Variants in AGR3 observed in about 807,000 individuals in gnomAD.
AGR3 encodes anterior gradient protein 3.
In AGR3, 37 loss-of-function variants were observed where a neutral mutation model predicts 24.5. The ratio of observed to expected loss-of-function variants is 1.51; its 90% CI spans 1.16 to 1.99. The LOEUF (loss-of-function observed/expected upper bound fraction) is 1.99, where lower values mean the gene tolerates loss of function less well. AGR3 is among the 30% of genes most tolerant of loss of function. AGR3 has a pLI of 0.00. For missense variants in AGR3, 228 were observed against 191.1 expected (o/e 1.19, Z -1.14); for synonymous variants, 75 against 61.6 (o/e 1.22, Z -1.02).
chr7:16,865,966 T>G (rs1781751366), intron 3 of AGR3: 1 of 680,688 alleles, frequency 1.5e-6, no homozygotes, highest in African/African-American at 1.8e-5. Context: ...TTTACCAGGT[T>G]TCAACTTCTT....
chr7:16,876,692 T>G (rs543619035), intron 2 of AGR3, among the ~76,000 whole-genome samples: 1 of 152,344 alleles, frequency 6.6e-6, no homozygotes, highest in African/African-American at 2.4e-5. Flanking sequence ...AATGGTGTTC[T>G]CAGCTAATAT....
chr7:16,879,085 C>G (rs1341601483), intron 1 of AGR3, among the ~76,000 whole-genome samples: 1 of 152,148 alleles, frequency 6.6e-6, no homozygotes, highest in Non-Finnish European at 1.5e-5. Flanking sequence ...TAACTCTATA[C>G]TAAGATAAGA....
chr7:16,878,134 G>A (rs1782026487), intron 2 of AGR3, among the ~76,000 whole-genome samples: 1 of 150,944 alleles, frequency 6.6e-6, no homozygotes. Flanking sequence ...TTTTTTGGAG[G>A]ACTGGGAAAT....
Position 16,866,385 on chromosome 7 carries a change from A to T in AGR3, c.174-3723T>A, listed in dbSNP as rs548358028. 335 of 302,326 alleles carry T rather than the reference A, an allele frequency of 1.1e-3. 3 individuals carry two copies. Among genetic ancestry groups the T allele is most frequent in the Non-Finnish European group, 1.8e-3 (248 of 141,400 alleles). 18.7% of individuals were successfully genotyped at this position (302,326 alleles called of 1,614,324 possible). A position where few individuals can be genotyped will look rare whatever the true frequency, so the allele number is the denominator to read the frequency against. ...CTATAATTCACCTCCTTTAAAAAGC[A>T]GGTAACTGTCCCTGAAGATGCCAGG... On this transcript the variant is annotated intron_variant, in intron 3 of 7. Coordinates refer to ENST00000310398, the MANE Select transcript of AGR3 (RefSeq NM_176813.5).
downstream of AGR3, among the ~76,000 whole-genome samples, chr7:16,857,676 A>G (rs1781573151): frequency 6.6e-6 from 1 of 152,164 alleles, no homozygotes; most frequent in Non-Finnish European, 1.5e-5. Flanking sequence ...TTAAAATAGG[A>G]TATTTAATAT....
chr7:16,881,141 T>G (rs976460800), intron 1 of AGR3, among the ~76,000 whole-genome samples: 2 of 152,220 alleles, frequency 1.3e-5, no homozygotes, highest in Non-Finnish European at 2.9e-5. Flanking sequence ...AGGTGGAATC[T>G]GCATTTTAAA....
At chr7:16,864,852 T>C in intron 3 of AGR3, 1 of 863,746 alleles carries the variant, frequency 1.2e-6, no homozygotes, top group Admixed American at 1.7e-5. Context: ...GTAAAGAGCG[T>C]GTATTCCAGT....
downstream of AGR3, among the ~76,000 whole-genome samples, chr7:16,857,107 A>G (rs1180098038): frequency 6.6e-6 from 1 of 151,960 alleles, no homozygotes; most frequent in Non-Finnish European, 1.5e-5. Context: ...CTCCTGCCTC[A>G]GCTTCCCCAG....
intron 3 of AGR3, chr7:16,864,423 CAG>C: frequency 1.6e-6 from 2 of 1,281,886 alleles, no homozygotes; most frequent in Non-Finnish European, 1.1e-6. Context: ...CGGGTTCACC[CAG>C]AGATTCCTCT....
At chr7:16,857,842 A>C (rs927380849), downstream of AGR3, among the ~76,000 whole-genome samples, 1 of 152,162 alleles carries the variant, frequency 6.6e-6, no homozygotes, top group African/African-American at 2.4e-5. Context: ...CTGACTCATC[A>C]AATGTTGAAA....
At chr7:16,864,833 A>G (rs1340986599) in intron 3 of AGR3, 2 of 882,408 alleles carry the variant, frequency 2.3e-6, no homozygotes, top group African/African-American at 3.3e-5. Context: ...GATGTCCTAT[A>G]TTTCCTGAGT....
Position 16,862,630 on chromosome 7 carries a change from T to A in AGR3, c.206A>T (p.Glu69Val). The A allele has an allele frequency of 6.5e-7, 1 of 1,541,742 alleles. No homozygotes were observed. The highest frequency in any genetic ancestry group is 8.7e-7 in the Non-Finnish European group (1 of 1,151,172). The change falls in exon 4 of 8, where the codon GAG (glutamate) becomes GTG (valine). Residue 69 changes from glutamate (E) to valine (V), a missense_variant. Physicochemically the swap from Glu to Val is moderately radical, Grantham distance 121 (BLOSUM62 -2). Transcript: ENST00000310398. ...KKPLMVIHHLEDCQYSQALKK... is the reference protein window; with the variant it reads ...KKPLMVIHHLVDCQYSQALKK... ...ATTACCTTGAGAGTATTGACAATCC[T>A]CCAGGTGATGAATAACCATTAATGG...
chr7:16,868,176 A>G (rs1190478264), intron 3 of AGR3, among the ~76,000 whole-genome samples: 1 of 149,738 alleles, frequency 6.7e-6, no homozygotes, highest in Non-Finnish European at 1.5e-5. Context: ...TTTTTTTGAG[A>G]TGGAGTTTCG....
intron 7 of AGR3, 122 bp downstream of exon 7, chr7:16,860,378 A>C: frequency 1.4e-6 from 1 of 729,142 alleles, no homozygotes; most frequent in African/African-American, 1.8e-5. Context: ...GTTGGCATTT[A>C]AACACCACCA....
At chr7:16,877,324 ATGT>A in intron 2 of AGR3, among the ~76,000 whole-genome samples, 1 of 146,062 alleles carries the variant, frequency 6.8e-6, no homozygotes, top group Non-Finnish European at 1.5e-5. Context: ...TATAATTTGT[ATGT>A]TATAATTATA....
At chr7:16,864,201 A>C in intron 3 of AGR3, 1 of 967,058 alleles carries the variant, frequency 1.0e-6, no homozygotes, top group East Asian at 2.5e-5. Context: ...AACTCTGCTG[A>C]AGTACCACTG....
chr7:16,871,995 G>A (rs1781875213), intron 3 of AGR3, among the ~76,000 whole-genome samples: 1 of 152,158 alleles, frequency 6.6e-6, no homozygotes, highest in Non-Finnish European at 1.5e-5. Context: ...CCATGGATTG[G>A]AAGAATGAAT....
At chr7:16,879,847 G>A (rs1356101435) in intron 1 of AGR3, among the ~76,000 whole-genome samples, 1 of 152,196 alleles carries the variant, frequency 6.6e-6, no homozygotes, top group East Asian at 1.9e-4. Context: ...AGCAACCGCA[G>A]TCGTGGAGGA....
At chr7:16,877,876 A>AAAAG (rs1554282184) in intron 2 of AGR3, among the ~76,000 whole-genome samples, 1 of 146,842 alleles carries the variant, frequency 6.8e-6, no homozygotes, top group Non-Finnish European at 1.5e-5. Flanking sequence ...AAAAAAAAAA[A>AAAAG]AGAGAGAATT....
Sources: allele counts gnomAD v4.1 joint callset (sites outside exome capture counted in the v4.1 genomes callset), GRCh38; gene constraint gnomAD v4.1.1; transcripts MANE v1.5; gene names NCBI Gene and HGNC (gene_info 2026-07-23, HGNC 2026-07-21).